Variants in CNTNAP5 observed in about 807,000 individuals in gnomAD.
CNTNAP5 encodes the protein contactin associated protein family member 5.
A neutral mutation model predicts 150.2 loss-of-function variants in CNTNAP5; 72 were observed. The ratio of observed to expected loss-of-function variants is 0.48; its 90% CI spans 0.40 to 0.58. The LOEUF (loss-of-function observed/expected upper bound fraction) is 0.58, where lower values mean the gene tolerates loss of function less well. Among genes scored for constraint, CNTNAP5 ranks in the 20% least tolerant of loss-of-function variants. The probability of loss-of-function intolerance (pLI) is 0.00; values close to 1 mark genes in which losing one functional copy is unlikely to be tolerated. For synonymous variants in CNTNAP5, 672 were observed against 619.8 expected (o/e 1.08, Z -1.25); for missense variants, 1,636 against 1,626.2 (o/e 1.01, Z -0.10).
chr2:124,216,440 C>T (rs1021122242), intron 1 of CNTNAP5, among the ~76,000 whole-genome samples: 2 of 151,814 alleles, frequency 1.3e-5, no homozygotes, highest in African/African-American at 4.8e-5. Flanking sequence ...GCACAACGTG[C>T]GGGTTTGTTA....
intron 1 of CNTNAP5, among the ~76,000 whole-genome samples, chr2:124,056,621 G>C (rs1681853640): frequency 1.3e-5 from 2 of 152,124 alleles, no homozygotes; most frequent in African/African-American, 4.8e-5. Flanking sequence ...ACTCCAGCCT[G>C]GGTGACAGAG....
At chr2:124,514,721 G>A (rs1349454453) in intron 8 of CNTNAP5, among the ~76,000 whole-genome samples, 1 of 152,150 alleles carries the variant, frequency 6.6e-6, no homozygotes, top group African/African-American at 2.4e-5. Flanking sequence ...TCACAGCTTG[G>A]TTCTTAAGAA....
intron 7 of CNTNAP5, among the ~76,000 whole-genome samples, chr2:124,502,745 A>C (rs1281245284): frequency 6.6e-6 from 1 of 152,188 alleles, no homozygotes; most frequent in Non-Finnish European, 1.5e-5. Flanking sequence ...ATGCAAATTA[A>C]AACAACTGTG....
At chr2:124,138,850 T>C (rs1342870054) in intron 1 of CNTNAP5, among the ~76,000 whole-genome samples, 1 of 151,630 alleles carries the variant, frequency 6.6e-6, no homozygotes. Flanking sequence ...ACATATCATA[T>C]ATATATATCA....
chr2:124,146,912 A>G (rs1334245992), intron 1 of CNTNAP5, among the ~76,000 whole-genome samples: 2 of 152,204 alleles, frequency 1.3e-5, no homozygotes, highest in African/African-American at 4.8e-5. Flanking sequence ...TTAGGAGCCA[A>G]ATATGCCAGT....
At chr2:124,454,318 A>G (rs1040212419) in intron 6 of CNTNAP5, among the ~76,000 whole-genome samples, 3 of 152,204 alleles carry the variant, frequency 2.0e-5, no homozygotes, top group Non-Finnish European at 2.9e-5. Flanking sequence ...GTCATTATAC[A>G]ATGATAAAAG....
At chr2:124,537,292 C>T (rs891303152) in intron 10 of CNTNAP5, among the ~76,000 whole-genome samples, 5 of 152,094 alleles carry the variant, frequency 3.3e-5, no homozygotes, top group Admixed American at 1.3e-4. Flanking sequence ...CCACATTCTT[C>T]GGCAGGATTG....
At chr2:124,747,683 G>C (rs562949829) in intron 14 of CNTNAP5, among the ~76,000 whole-genome samples, 30 of 130,162 alleles carry the variant, frequency 2.3e-4, no homozygotes, top group African/African-American at 7.6e-4. Context: ...GCAGTGTCGC[G>C]ATCTTGGCTC....
intron 21 of CNTNAP5, among the ~76,000 whole-genome samples, chr2:124,884,211 T>A (rs1678032798): frequency 6.6e-6 from 1 of 152,060 alleles, no homozygotes; most frequent in African/African-American, 2.4e-5. Flanking sequence ...TGTATGTCAG[T>A]GTTTTGCATG....
At chr2:124,036,611 G>T (rs1681228343) in intron 1 of CNTNAP5, among the ~76,000 whole-genome samples, 1 of 152,012 alleles carries the variant, frequency 6.6e-6, no homozygotes, top group South Asian at 2.1e-4. Flanking sequence ...ACAATCCAAA[G>T]AAATGAAACC....
intron 12 of CNTNAP5, among the ~76,000 whole-genome samples, chr2:124,623,794 C>G (rs977758830): frequency 1.3e-5 from 2 of 152,174 alleles, no homozygotes; most frequent in Non-Finnish European, 2.9e-5. Context: ...GCATTGTTTC[C>G]TGGTTGAGAC....
chr2:124,118,293 G>T (rs1683477758), intron 1 of CNTNAP5, among the ~76,000 whole-genome samples: 1 of 152,062 alleles, frequency 6.6e-6, no homozygotes, highest in African/African-American at 2.4e-5. Flanking sequence ...TTTGATAACT[G>T]AAGGACCTGA....
intron 13 of CNTNAP5, among the ~76,000 whole-genome samples, chr2:124,678,119 A>T (rs1279547831): frequency 6.6e-6 from 1 of 151,620 alleles, no homozygotes; most frequent in Non-Finnish European, 1.5e-5. Context: ...GGTTTGTGGG[A>T]TCCTCCCTTA....
In CNTNAP5 at chr2:124,147,086, A is replaced by G. The variant is rs571699983; in HGVS notation, c.83-74619A>G. 1.8e-4 allele frequency among the ~76,000 whole-genome samples: 27 copies of G among 152,296 alleles called. No homozygotes were observed. In the Middle Eastern group the frequency reaches 0.01, roughly 58 times the overall value. The stretch of plus-strand genomic sequence containing the variant: ...AATCCAAAGATGATACAAAAAGGGG[A>G]AAAATGTGCAGGATACAGAGCTTGG... On this transcript the variant is annotated intron_variant, in intron 1 of 23. Transcript: ENST00000682447.
intron 1 of CNTNAP5, among the ~76,000 whole-genome samples, chr2:124,087,511 C>T (rs972554389): frequency 6.6e-6 from 1 of 151,748 alleles, no homozygotes; most frequent in African/African-American, 2.4e-5. Context: ...ATCATGAGGT[C>T]AAGAGATTGA....
intron 13 of CNTNAP5, among the ~76,000 whole-genome samples, chr2:124,711,407 A>G (rs931361594): frequency 4.6e-5 from 7 of 152,120 alleles, no homozygotes; most frequent in Non-Finnish European, 8.8e-5. Context: ...ACTCCTTTAT[A>G]TGCTACTTCC....
chr2:124,242,175 C>G (rs1270650549), intron 2 of CNTNAP5, 25 bp from the exon 3 acceptor site: 2 of 1,548,628 alleles, frequency 1.3e-6, no homozygotes, highest in Non-Finnish European at 1.8e-6. Context: ...ACAACTCTCT[C>G]TCACTCTCTC....
intron 3 of CNTNAP5, among the ~76,000 whole-genome samples, chr2:124,286,963 G>GT (rs1430401534): frequency 1.3e-5 from 2 of 152,130 alleles, no homozygotes; most frequent in African/African-American, 4.8e-5. Context: ...TAGCTTTTCT[G>GT]TGCCCTGAAC....
intron 6 of CNTNAP5, among the ~76,000 whole-genome samples, chr2:124,465,449 G>A (rs1161817400): frequency 6.6e-6 from 1 of 152,110 alleles, no homozygotes; most frequent in Non-Finnish European, 1.5e-5. Flanking sequence ...AAGCAAGCAA[G>A]AAAAGTAAGA....
Sources: allele counts gnomAD v4.1 joint callset (sites outside exome capture counted in the v4.1 genomes callset), GRCh38; gene constraint gnomAD v4.1.1; transcripts MANE v1.5; gene names NCBI Gene and HGNC (gene_info 2026-07-23, HGNC 2026-07-21).